Variants in SCAPER observed in about 807,000 individuals in gnomAD.
SCAPER encodes S-phase cyclin A associated protein in the ER.
SCAPER carries 98 observed loss-of-function variants against 182.2 expected under a neutral mutation model. That is an observed-to-expected ratio of 0.54 (90% CI 0.46 to 0.64). The LOEUF (loss-of-function observed/expected upper bound fraction) is 0.64, where lower values mean the gene tolerates loss of function less well. Among genes scored for constraint, SCAPER ranks in the 30% least tolerant of loss-of-function variants. The pLI is 0.00. For missense variants in SCAPER, 1,432 were observed against 1,690.0 expected, an observed-to-expected ratio of 0.85 and a Z score of 2.68; for synonymous variants, 605 against 564.6, an observed-to-expected ratio of 1.07 and a Z score of -1.01.
intron 23 of SCAPER, among the ~76,000 whole-genome samples, chr15:76,568,777 G>A (rs1304176397): frequency 3.3e-5 from 5 of 151,996 alleles, no homozygotes; most frequent in African/African-American, 4.8e-5. Flanking sequence ...ACTTTTAAAT[G>A]AGATTTCACT....
intron 23 of SCAPER, among the ~76,000 whole-genome samples, chr15:76,506,341 T>C (rs1159784038): frequency 2.6e-5 from 4 of 152,190 alleles, no homozygotes; most frequent in Non-Finnish European, 5.9e-5. Flanking sequence ...TTAAGCATTG[T>C]ATGCCTATAT....
chr15:76,393,392 T>C (rs1047854875), intron 27 of SCAPER, among the ~76,000 whole-genome samples: 1 of 152,184 alleles, frequency 6.6e-6, no homozygotes, highest in Non-Finnish European at 1.5e-5. Flanking sequence ...ATTCACTTCA[T>C]TGCCTATCTC....
chr15:76,423,066 T>A (rs1357009603), intron 26 of SCAPER, among the ~76,000 whole-genome samples: 6 of 152,300 alleles, frequency 3.9e-5, no homozygotes, highest in Non-Finnish European at 7.4e-5. Context: ...ATCAGGGATA[T>A]TGGTCTAAAA....
chr15:76,701,947 T>C, intron 19 of SCAPER, 82 bp from the exon 20 acceptor site: 1 of 910,396 alleles, frequency 1.1e-6, no homozygotes, highest in Non-Finnish European at 1.7e-6. Context: ...CAGTATATGA[T>C]ATGTGAGTTG....
intron 5 of SCAPER, among the ~76,000 whole-genome samples, chr15:76,839,351 C>A (rs1211894125): frequency 6.6e-6 from 1 of 152,018 alleles, no homozygotes; most frequent in Non-Finnish European, 1.5e-5. Flanking sequence ...AATCCACGTA[C>A]AAAATGAGGA....
intron 4 of SCAPER, among the ~76,000 whole-genome samples, chr15:76,843,188 A>G (rs559773880): frequency 4.6e-5 from 7 of 152,190 alleles, no homozygotes; most frequent in Non-Finnish European, 8.8e-5. Flanking sequence ...ATATTTTACC[A>G]TCCTTTCTTA....
chr15:76,355,690 A>G (rs1258325495), intron 29 of SCAPER, among the ~76,000 whole-genome samples: 4 of 152,240 alleles, frequency 2.6e-5, no homozygotes, highest in Non-Finnish European at 5.9e-5. Flanking sequence ...AATGTTAAAG[A>G]CAACTCCTGG....
At chr15:76,816,114 G>C (rs1020023917) in intron 5 of SCAPER, among the ~76,000 whole-genome samples, 1 of 152,162 alleles carries the variant, frequency 6.6e-6, no homozygotes, top group Non-Finnish European at 1.5e-5. Context: ...GAAGGCCTAG[G>C]ACATTAGTGT....
At chr15:76,501,576 G>T (rs2041123033) in intron 24 of SCAPER, among the ~76,000 whole-genome samples, 1 of 152,314 alleles carries the variant, frequency 6.6e-6, no homozygotes, top group African/African-American at 2.4e-5. Flanking sequence ...TTTCAACAGG[G>T]TAACTGTTAT....
chr15:76,888,670 C>T (rs1471540710), intron 1 of SCAPER, among the ~76,000 whole-genome samples: 1 of 152,050 alleles, frequency 6.6e-6, no homozygotes, highest in Non-Finnish European at 1.5e-5. Context: ...AAGAAATATG[C>T]ACTATGTGAA....
intron 15 of SCAPER, among the ~76,000 whole-genome samples, chr15:76,749,621 T>C (rs1403992764): frequency 2.0e-5 from 3 of 152,092 alleles, no homozygotes; most frequent in African/African-American, 4.8e-5. Flanking sequence ...TGCATTGCTA[T>C]GTATTAGCAA....
At chr15:76,725,829 C>G (rs1192534315) in intron 17 of SCAPER, among the ~76,000 whole-genome samples, 1 of 151,328 alleles carries the variant, frequency 6.6e-6, no homozygotes, top group Admixed American at 6.6e-5. Flanking sequence ...ATACGATATA[C>G]AAAAATTAAC....
At chr15:76,470,497 G>A (rs996407150) in intron 25 of SCAPER, among the ~76,000 whole-genome samples, 6 of 152,144 alleles carry the variant, frequency 3.9e-5, no homozygotes, top group African/African-American at 1.4e-4. Context: ...AGAACTGTGT[G>A]CTGAGTAAAA....
intron 24 of SCAPER, among the ~76,000 whole-genome samples, chr15:76,474,605 T>C (rs1483207895): frequency 6.6e-6 from 1 of 152,200 alleles, no homozygotes; most frequent in Non-Finnish European, 1.5e-5. Context: ...TTTGTATGCC[T>C]GTCATGAGAA....
chr15:76,661,683 C>A (rs1294570233), intron 21 of SCAPER, among the ~76,000 whole-genome samples: 1 of 151,894 alleles, frequency 6.6e-6, no homozygotes, highest in Non-Finnish European at 1.5e-5. Context: ...AAGAAAAAAA[C>A]AATGCTGGGG....
intron 21 of SCAPER, among the ~76,000 whole-genome samples, chr15:76,640,890 G>T (rs1258908636): frequency 6.6e-6 from 1 of 152,184 alleles, no homozygotes; most frequent in Non-Finnish European, 1.5e-5. Context: ...GAATGGACGT[G>T]CAGTCAGGGA....
chr15:76,849,833 C>T (rs1248737348), intron 4 of SCAPER, among the ~76,000 whole-genome samples: 3 of 152,192 alleles, frequency 2.0e-5, no homozygotes. Flanking sequence ...CTCACAGTTC[C>T]ATATGGCTGG....
At chr15:76,476,201 G>A (rs1041740745) in intron 24 of SCAPER, among the ~76,000 whole-genome samples, 1 of 152,208 alleles carries the variant, frequency 6.6e-6, no homozygotes, top group Admixed American at 6.5e-5. Context: ...AGTGGCATAA[G>A]TTGTGCTAAT....
chr15:76,769,209 G>A (rs1443379193), intron 10 of SCAPER, among the ~76,000 whole-genome samples: 2 of 151,738 alleles, frequency 1.3e-5, no homozygotes, highest in South Asian at 2.1e-4. Flanking sequence ...TTGGGAGGCC[G>A]AGGCGGGTGG....
Sources: gnomAD v4.1 joint callset for allele counts (sites outside exome capture counted in the v4.1 genomes callset) on GRCh38, gnomAD v4.1.1 for gene constraint, MANE v1.5 for transcripts, NCBI Gene and HGNC (gene_info 2026-07-23, HGNC 2026-07-21) for gene names.